The following TENM3 variants were observed in gnomAD, a reference collection of about 807,000 sequenced individuals.
The protein encoded by TENM3 is teneurin-3.
Under a neutral mutation model 255.1 loss-of-function variants are expected in TENM3, and 63 were observed. The observed-to-expected ratio is 0.25, with a 90% CI of 0.20 to 0.30. The LOEUF (loss-of-function observed/expected upper bound fraction) is 0.30. TENM3 is among the 10% of genes least tolerant of loss of function. TENM3 has a pLI of 1.00. For missense variants in TENM3, 2,929 were observed against 3,461.1 expected (o/e 0.85, Z 3.86); for synonymous variants, 1,306 against 1,322.3 (o/e 0.99, Z 0.27).
intron 2 of TENM3, among the ~76,000 whole-genome samples, chr4:182,327,349 G>C (rs1450529229): frequency 6.6e-6 from 1 of 152,152 alleles, no homozygotes; most frequent in Non-Finnish European, 1.5e-5. Flanking sequence ...CAGCTGATCA[G>C]TCCTGTATCC....
At position 182,776,042 on chromosome 4, in the gene TENM3, A is replaced by C. The variant is rs140968077; in HGVS notation, c.5304+889A>C. Among the ~76,000 whole-genome samples, 179 of 152,332 alleles carry C rather than the reference A, an allele frequency of 1.2e-3. 1 individual carries two copies. The East Asian group carries it at 0.027, about 23-fold the overall frequency. ...GGAGATATATATATAGCTATATTGC[A>C]GATAAATGAAATTTACCCTATACTA... On this transcript the variant is annotated intron_variant, in intron 24 of 27. Coordinates refer to ENST00000511685, the MANE Select transcript of TENM3 (RefSeq NM_001080477.4).
intron 3 of TENM3, among the ~76,000 whole-genome samples, chr4:182,423,708 A>G (rs1771004579): frequency 6.6e-6 from 1 of 152,230 alleles, no homozygotes; most frequent in Non-Finnish European, 1.5e-5. Flanking sequence ...ATTATCAACC[A>G]TAACAATAAT....
At chr4:182,554,877 T>TC (rs562542326) in intron 3 of TENM3, among the ~76,000 whole-genome samples, 2 of 137,762 alleles carry the variant, frequency 1.5e-5, no homozygotes, top group Non-Finnish European at 3.1e-5. Context: ...CCTTTTAAGC[T>TC]TTTTTTTTTT....
intron 19 of TENM3, 60 bp downstream of exon 19, chr4:182,743,479 G>C (rs1761761388): frequency 2.6e-6 from 4 of 1,565,032 alleles, no homozygotes; most frequent in Non-Finnish European, 3.5e-6. Context: ...TTAAAAAAAA[G>C]GTTGAGTCTG....
intron 1 of TENM3, among the ~76,000 whole-genome samples, chr4:182,213,753 A>G (rs762404373): frequency 6.6e-6 from 1 of 152,172 alleles, no homozygotes; most frequent in Non-Finnish European, 1.5e-5. Context: ...ATTAGCCTAT[A>G]TATTTTCGCT....
At chr4:181,821,156 A>G in the TENM3 span, among the ~76,000 whole-genome samples, 1 of 152,100 alleles carries the variant, frequency 6.6e-6, no homozygotes, top group African/African-American at 2.4e-5. Flanking sequence ...TGCTGGACTA[A>G]CTGACTTCCC....
intron 3 of TENM3, among the ~76,000 whole-genome samples, chr4:182,347,471 G>A (rs1011830568): frequency 1.3e-5 from 2 of 152,154 alleles, no homozygotes; most frequent in Non-Finnish European, 2.9e-5. Context: ...GAGTTGATGA[G>A]AGCAATTGAA....
the TENM3 span, among the ~76,000 whole-genome samples, chr4:182,020,107 G>A: frequency 6.6e-6 from 1 of 151,636 alleles, no homozygotes; most frequent in East Asian, 2.0e-4. Context: ...GTTCATGCCT[G>A]TAATCACAGC....
At chr4:182,506,681 G>C (rs910426524) in intron 3 of TENM3, among the ~76,000 whole-genome samples, 3 of 152,160 alleles carry the variant, frequency 2.0e-5, no homozygotes, top group Non-Finnish European at 2.9e-5. Context: ...TACAGAGTAG[G>C]TTTTATTAAA....
chr4:181,595,255 A>G, the TENM3 span, among the ~76,000 whole-genome samples: 1 of 151,836 alleles, frequency 6.6e-6, no homozygotes, highest in South Asian at 2.1e-4. Flanking sequence ...ACATGGTGAA[A>G]CCCCATCTGT....
At chr4:181,671,747 T>C in the TENM3 span, among the ~76,000 whole-genome samples, 1 of 144,960 alleles carries the variant, frequency 6.9e-6, no homozygotes, top group Admixed American at 6.8e-5. Flanking sequence ...AAACTTTACT[T>C]TTTTTTTTTT....
the TENM3 span, among the ~76,000 whole-genome samples, chr4:181,603,954 A>G: frequency 6.6e-6 from 1 of 152,202 alleles, no homozygotes; most frequent in African/African-American, 2.4e-5. Context: ...GTTAACAGAT[A>G]GGAAGGCCTG....
intron 2 of TENM3, among the ~76,000 whole-genome samples, chr4:182,324,936 T>C (rs1763296207): frequency 6.6e-6 from 1 of 152,232 alleles, no homozygotes; most frequent in Non-Finnish European, 1.5e-5. Flanking sequence ...TCATGACTCC[T>C]GTAACTTTAC....
At chr4:181,768,710 T>G in the TENM3 span, among the ~76,000 whole-genome samples, 1 of 152,214 alleles carries the variant, frequency 6.6e-6, no homozygotes, top group Non-Finnish European at 1.5e-5. Flanking sequence ...ATTATTATAT[T>G]GGCTACATTC....
At chr4:182,064,449 G>A in the TENM3 span, among the ~76,000 whole-genome samples, 1 of 151,978 alleles carries the variant, frequency 6.6e-6, no homozygotes, top group South Asian at 2.1e-4. Flanking sequence ...GTGGTGGCGG[G>A]CGCCTGTAGT....
chr4:181,715,114 A>G, the TENM3 span, among the ~76,000 whole-genome samples: 1 of 152,198 alleles, frequency 6.6e-6, no homozygotes, highest in African/African-American at 2.4e-5. Flanking sequence ...TGGAACCTTC[A>G]GTTTAATCCC....
chr4:181,561,759 G>A, the TENM3 span, among the ~76,000 whole-genome samples: 2 of 152,150 alleles, frequency 1.3e-5, no homozygotes, highest in Admixed American at 6.5e-5. Context: ...TGATGTGAGC[G>A]TGCATCTTCT....
chr4:182,505,479 A>G (rs1434154167), intron 3 of TENM3, among the ~76,000 whole-genome samples: 1 of 151,330 alleles, frequency 6.6e-6, no homozygotes, highest in Non-Finnish European at 1.5e-5. Context: ...TTATTTTACT[A>G]TTACTATTAT....
At chr4:182,222,281 A>T (rs552165448) in intron 1 of TENM3, among the ~76,000 whole-genome samples, 2 of 152,362 alleles carry the variant, frequency 1.3e-5, no homozygotes, top group South Asian at 4.1e-4. Context: ...GTATGTTTTT[A>T]ACAATAGTCA....
Sources: gnomAD v4.1 joint callset for allele counts (sites outside exome capture counted in the v4.1 genomes callset) on GRCh38, gnomAD v4.1.1 for gene constraint, MANE v1.5 for transcripts, NCBI Gene and HGNC (gene_info 2026-07-23, HGNC 2026-07-21) for gene names.